Variants in LHFPL3 observed in about 807,000 individuals in gnomAD.
The protein encoded by LHFPL3 is LHFPL tetraspan subfamily member 3, also known as LHFPL tetraspan subfamily member 3 protein.
A neutral mutation model predicts 19.3 loss-of-function variants in LHFPL3; 5 were observed. The observed-to-expected ratio is 0.26, with a 90% CI of 0.14 to 0.54. The LOEUF is 0.54. Among genes scored for constraint, LHFPL3 ranks in the 20% least tolerant of loss-of-function variants. LHFPL3 has a pLI of 0.94. For missense variants in LHFPL3, 249 were observed against 307.4 expected, an observed-to-expected ratio of 0.81 and a Z score of 1.42; for synonymous variants, 133 against 126.2, an observed-to-expected ratio of 1.05 and a Z score of -0.36.
intron 1 of LHFPL3, among the ~76,000 whole-genome samples, chr7:104,603,137 C>CCCTT (rs1218436461): frequency 1.1e-3 from 35 of 30,662 alleles, no homozygotes; most frequent in African/African-American, 4.3e-3. Flanking sequence ...TTTCTTTTTT[C>CCCTT]CCTTCCTTCC....
At chr7:104,546,589 C>T (rs1417884031) in intron 1 of LHFPL3, among the ~76,000 whole-genome samples, 1 of 152,180 alleles carries the variant, frequency 6.6e-6, no homozygotes, top group East Asian at 1.9e-4. Context: ...GTGTTTAATT[C>T]ATTGTAGTAC....
rs190331624 is a variant in LHFPL3 at position 104,793,054 on chromosome 7, C to T, written c.682+56143C>T. The stretch of plus-strand genomic sequence containing the variant: ...GGGATTACAGGCACCTGCCACCACA[C>T]CCAGCTAATTTTTGTATTTTTGGTA... On this transcript the variant is annotated intron_variant, in intron 2 of 2. Coordinates refer to ENST00000424859, the MANE Select transcript of LHFPL3 (RefSeq NM_199000.3). 7.2e-5 allele frequency among the ~76,000 whole-genome samples: 11 copies of T among 152,288 alleles called. No individual in the cohort carries two copies. In the East Asian group the frequency reaches 1.9e-3, roughly 27 times the overall value.
In LHFPL3 at chr7:104,747,060, C is replaced by T. The variant is rs143169359; in HGVS notation, c.682+10149C>T. ...GTGATCATAGTTGGTCAGTTGGTTT[C>T]GGTTTTTGTTTTGTTTCTTATAATC... On this transcript the variant is annotated intron_variant, in intron 2 of 2. Coordinates refer to ENST00000424859, the MANE Select transcript of LHFPL3 (RefSeq NM_199000.3). Among the ~76,000 whole-genome samples the T allele has an allele frequency of 1.2e-3, 177 of 152,228 alleles. 1 individual carries two copies. Among genetic ancestry groups the T allele is most frequent in the Middle Eastern group, 3.4e-3 (1 of 294 alleles).
chr7:104,347,654 G>C lies in LHFPL3; in HGVS notation c.445+18430G>C, dbSNP rs574022310. 6.6e-5 allele frequency among the ~76,000 whole-genome samples: 10 copies of C among 152,240 alleles called. No homozygotes were observed. In the South Asian group the frequency reaches 1.4e-3, roughly 22 times the overall value. ...TGCTCATGCCTGTAATCCCTTGGGA[G>C]GCCAAGGCGGGTGGATCACCTGAGG... is the stretch of plus-strand genomic sequence containing the variant. On this transcript the variant is annotated intron_variant, in intron 1 of 2. Transcript: ENST00000424859.
chr7:104,747,459 A>G lies in LHFPL3; in HGVS notation c.682+10548A>G, dbSNP rs1475121862. 3.9e-5 allele frequency among the ~76,000 whole-genome samples: 6 copies of G among 152,224 alleles called. No homozygotes were observed. In the East Asian group the frequency reaches 9.6e-4, roughly 24 times the overall value. On this transcript the variant is annotated intron_variant, in intron 2 of 2. Transcript: ENST00000424859. ...CCCGTGTAGAAAATACGATCACTTT[A>G]GTTCATACACAGGGTGATGAAAATT... is the stretch of plus-strand genomic sequence containing the variant.
Position 104,906,362 on chromosome 7 carries a change from C to T in LHFPL3, c.*147C>T. The T allele has an allele frequency of 1.1e-6, 1 of 888,064 alleles. No individual in the cohort carries two copies. Among genetic ancestry groups the T allele is most frequent in the Non-Finnish European group, 1.7e-6 (1 of 583,696 alleles). The allele number at this position is 888,064 out of a possible 1,614,324, so 55.0% of individuals were successfully genotyped here. Reference sequence around the variant, plus strand: ...AATATGAACAAGAATGGAACATTCACTTGTCAACGCACTTTCTAAATCTAG... The same window carrying T: ...AATATGAACAAGAATGGAACATTCATTTGTCAACGCACTTTCTAAATCTAG... On this transcript the variant is annotated 3_prime_UTR_variant, in exon 3 of 3. Coordinates refer to ENST00000424859, the MANE Select transcript of LHFPL3 (RefSeq NM_199000.3).
intron 1 of LHFPL3, among the ~76,000 whole-genome samples, chr7:104,453,977 C>G (rs938929624): frequency 6.6e-6 from 1 of 152,154 alleles, no homozygotes; most frequent in African/African-American, 2.4e-5. Context: ...CACTTAAATT[C>G]TTTTCTTTAT....
chr7:104,711,725 C>T lies in LHFPL3; in HGVS notation c.446-24950C>T, dbSNP rs576730865. 2.6e-5 allele frequency among the ~76,000 whole-genome samples: 4 copies of T among 152,082 alleles called. No individual in the cohort carries two copies. The South Asian group carries it at 8.3e-4, about 32-fold the overall frequency. ...TTGGTCCCAACAGGAAACCATAAAA[C>T]TAATCAAGAAACGAGACAGAACCAT... On this transcript the variant is annotated intron_variant, in intron 1 of 2. Coordinates refer to ENST00000424859, the MANE Select transcript of LHFPL3 (RefSeq NM_199000.3).
chr7:104,720,988 C>G (rs1025560679), intron 1 of LHFPL3, among the ~76,000 whole-genome samples: 4 of 152,100 alleles, frequency 2.6e-5, no homozygotes, highest in Non-Finnish European at 4.4e-5. Flanking sequence ...GACGATTCCT[C>G]AAAGATCTAG....
chr7:104,586,608 A>T (rs572413398), intron 1 of LHFPL3, among the ~76,000 whole-genome samples: 3 of 152,280 alleles, frequency 2.0e-5, no homozygotes, highest in Non-Finnish European at 4.4e-5. Context: ...TGGATTTTTT[A>T]AAAAATAAAT....
chr7:104,778,051 T>C (rs1236130566), intron 2 of LHFPL3, among the ~76,000 whole-genome samples: 1 of 152,222 alleles, frequency 6.6e-6, no homozygotes, highest in Non-Finnish European at 1.5e-5. Flanking sequence ...CTCAGCATCC[T>C]GGAACAAGAG....
intron 1 of LHFPL3, among the ~76,000 whole-genome samples, chr7:104,674,672 A>G (rs1355267350): frequency 3.9e-5 from 6 of 152,186 alleles, no homozygotes; most frequent in Non-Finnish European, 8.8e-5. Context: ...CACTCGGGAA[A>G]GGGACTTTCT....
chr7:104,492,343 G>A lies in LHFPL3; in HGVS notation c.445+163119G>A, dbSNP rs564831235. On this transcript the variant is annotated intron_variant, in intron 1 of 2. Coordinates refer to ENST00000424859, the MANE Select transcript of LHFPL3 (RefSeq NM_199000.3). ...AAGCACTGGACCATCAGGGCAAAGAGGAGACCAACTTGCCTTAAGTTACTT... is the reference window on the plus strand; with the variant it reads ...AAGCACTGGACCATCAGGGCAAAGAAGAGACCAACTTGCCTTAAGTTACTT... 5.3e-5 allele frequency among the ~76,000 whole-genome samples: 8 copies of A among 152,316 alleles called. No homozygotes were observed. The South Asian group carries it at 1.7e-3, about 32-fold the overall frequency.
chr7:104,444,928 C>T (rs558203600), intron 1 of LHFPL3, among the ~76,000 whole-genome samples: 13 of 151,584 alleles, frequency 8.6e-5, no homozygotes, highest in Non-Finnish European at 1.5e-4. Context: ...GTGGAGGTTG[C>T]GGTGAGTTGA....
chr7:104,659,613 C>T (rs996500374), intron 1 of LHFPL3, among the ~76,000 whole-genome samples: 2 of 152,158 alleles, frequency 1.3e-5, no homozygotes, highest in Admixed American at 6.5e-5. Context: ...GTCCCTGACA[C>T]AGACTGAAGA....
chr7:104,624,926 G>A (rs1282390279), intron 1 of LHFPL3, among the ~76,000 whole-genome samples: 1 of 152,174 alleles, frequency 6.6e-6, no homozygotes, highest in African/African-American at 2.4e-5. Context: ...GAACTTTTGA[G>A]GCATGTGGCT....
intron 1 of LHFPL3, among the ~76,000 whole-genome samples, chr7:104,467,073 C>T (rs1281876491): frequency 6.8e-6 from 1 of 147,312 alleles, no homozygotes; most frequent in South Asian, 2.1e-4. Context: ...TTATCTAAAA[C>T]AATTTATTTT....
At chr7:104,700,914 G>T in intron 1 of LHFPL3, among the ~76,000 whole-genome samples, 1 of 152,130 alleles carries the variant, frequency 6.6e-6, no homozygotes, top group Non-Finnish European at 1.5e-5. Context: ...CTCCAGGCCT[G>T]CTGCATATTC....
At chr7:104,467,668 T>G (rs1792820131) in intron 1 of LHFPL3, among the ~76,000 whole-genome samples, 1 of 152,230 alleles carries the variant, frequency 6.6e-6, no homozygotes, top group South Asian at 2.1e-4. Flanking sequence ...ATTTCCTGGA[T>G]TAATTTCTCC....
Sources: allele counts gnomAD v4.1 joint callset (sites outside exome capture counted in the v4.1 genomes callset), GRCh38; gene constraint gnomAD v4.1.1; transcripts MANE v1.5; gene names NCBI Gene and HGNC (gene_info 2026-07-23, HGNC 2026-07-21).